The following LRRC1 variants were observed in gnomAD, a reference collection of about 807,000 sequenced individuals.
LRRC1 encodes the protein leucine rich repeat containing 1.
A neutral mutation model predicts 69.9 loss-of-function variants in LRRC1; 28 were observed. The observed-to-expected ratio is 0.40, with a 90% confidence interval of 0.30 to 0.55. The LOEUF is 0.55. Ranked by LOEUF, LRRC1 falls within the 20% of genes least tolerant of loss-of-function variation. The pLI, the probability that LRRC1 is intolerant of heterozygous loss-of-function variation, is 0.47. For missense variants in LRRC1, 498 were observed against 609.0 expected (o/e 0.82, Z 1.92); for synonymous variants, 236 against 240.2 (o/e 0.98, Z 0.16).
chr6:53,919,471 T>TC, intron 11 of LRRC1, 27 bp from the exon 12 acceptor site: 2 of 1,358,456 alleles, frequency 1.5e-6, no homozygotes, highest in Non-Finnish European at 9.4e-7. Flanking sequence ...GTGATGTCTC[T>TC]TTTTTTAAAA....
intron 4 of LRRC1, among the ~76,000 whole-genome samples, chr6:53,894,563 A>G (rs1767805739): frequency 6.6e-6 from 1 of 152,228 alleles, no homozygotes; most frequent in African/African-American, 2.4e-5. Flanking sequence ...ATTACCGAAG[A>G]GATAAAATGA....
chr6:53,873,980 T>TG (rs1766984485), intron 2 of LRRC1, among the ~76,000 whole-genome samples: 1 of 152,194 alleles, frequency 6.6e-6, no homozygotes, highest in Non-Finnish European at 1.5e-5. Context: ...GAAGAGAGAC[T>TG]ACCATGGAGT....
chr6:53,897,604 AT>A (rs1483327927), intron 7 of LRRC1, among the ~76,000 whole-genome samples: 3 of 152,148 alleles, frequency 2.0e-5, no homozygotes, highest in Non-Finnish European at 4.4e-5. Flanking sequence ...TAAAATCTGT[AT>A]TTTATTGTGT....
chr6:53,800,807 TTTTTGTATTTTTAGTAGAGACGGGG>T (rs1454712705), intron 1 of LRRC1, among the ~76,000 whole-genome samples: 2 of 151,884 alleles, frequency 1.3e-5, no homozygotes, highest in African/African-American at 4.8e-5. Context: ...GCCCGGCTAA[TTTTTGTATTTTTAGTAGAGACGGGG>T]TTTCACTATG....
Position 53,875,754 on chromosome 6 carries a change from T to C in LRRC1, c.278-3239T>C, listed in dbSNP as rs192087604. 8.6e-3 allele frequency among the ~76,000 whole-genome samples: 1,303 copies of C among 152,292 alleles called. 15 individuals are homozygous for C. The highest frequency in any genetic ancestry group is 0.029 in the African/African-American group (1,192 of 41,530). ...ATGGTGGTAGTGGCGGTTTTTGTTA[T>C]TTTATTATTTAAATGATTTGTTAAA... On this transcript the variant is annotated intron_variant, in intron 2 of 13. Transcript: ENST00000370888.
chr6:53,901,093 A>T (rs1768044259), intron 8 of LRRC1, among the ~76,000 whole-genome samples: 1 of 152,148 alleles, frequency 6.6e-6, no homozygotes, highest in Admixed American at 6.5e-5. Context: ...CGTTTATGGC[A>T]TCTGAAAAGG....
intron 4 of LRRC1, among the ~76,000 whole-genome samples, chr6:53,885,363 A>G (rs1238873138): frequency 6.6e-6 from 1 of 152,254 alleles, no homozygotes; most frequent in Admixed American, 6.5e-5. Flanking sequence ...TCTTTAGAGC[A>G]TTTAGCACAT....
intron 2 of LRRC1, among the ~76,000 whole-genome samples, chr6:53,843,157 G>C (rs1294297898): frequency 6.6e-6 from 1 of 152,094 alleles, no homozygotes; most frequent in Non-Finnish European, 1.5e-5. Context: ...AACAAGGTCT[G>C]AATTATTTAT....
intron 1 of LRRC1, among the ~76,000 whole-genome samples, chr6:53,800,358 C>T (rs1038450462): frequency 2.8e-5 from 4 of 141,742 alleles, no homozygotes; most frequent in African/African-American, 1.1e-4. Context: ...TCAAGTGATT[C>T]TCCTGCCTCA....
At chr6:53,813,859 G>A (rs1459068651) in intron 1 of LRRC1, among the ~76,000 whole-genome samples, 2 of 152,118 alleles carry the variant, frequency 1.3e-5, no homozygotes, top group African/African-American at 4.8e-5. Context: ...AAGGAACTAA[G>A]TAAGTAGCTA....
chr6:53,806,086 C>G (rs1764628938), intron 1 of LRRC1, among the ~76,000 whole-genome samples: 2 of 152,218 alleles, frequency 1.3e-5, no homozygotes, highest in African/African-American at 4.8e-5. Context: ...GCTCCTCATC[C>G]AACTGGACAG....
chr6:53,880,345 C>T (rs1173994103), intron 3 of LRRC1, among the ~76,000 whole-genome samples: 1 of 152,150 alleles, frequency 6.6e-6, no homozygotes. Context: ...TATCCTCTTT[C>T]CCCACCATCT....
At position 53,866,022 on chromosome 6, in the gene LRRC1, G is replaced by A. The variant is rs548065262; in HGVS notation, c.278-12971G>A. 4.9e-4 allele frequency among the ~76,000 whole-genome samples: 74 copies of A among 152,112 alleles called. 2 individuals are homozygous for A. Among genetic ancestry groups the A allele is most frequent in the African/African-American group, 1.7e-3 (69 of 41,436 alleles). ...GGCATGAACCACTGCGCCTGGCTAA[G>A]ACTCAGTTCTTTCTATATTGACAGA... On this transcript the variant is annotated intron_variant, in intron 2 of 13. Coordinates refer to ENST00000370888, the MANE Select transcript of LRRC1 (RefSeq NM_018214.5).
At chr6:53,822,073 T>C (rs184558397) in intron 1 of LRRC1, among the ~76,000 whole-genome samples, 1 of 152,160 alleles carries the variant, frequency 6.6e-6, no homozygotes, top group Non-Finnish European at 1.5e-5. Flanking sequence ...AGTTTCTCTT[T>C]GTTGTTACCC....
chr6:53,919,774 A>C (rs924978209), intron 12 of LRRC1, 104 bp downstream of exon 12: 1 of 1,045,312 alleles, frequency 9.6e-7, no homozygotes, highest in Non-Finnish European at 1.4e-6. Flanking sequence ...TGTTATATCC[A>C]GTCTGCACCT....
rs1767353187 is a variant in LRRC1, at chr6:53,883,042, T to C, written c.446+66T>C. 3 of 942,194 alleles carry C rather than the reference T, an allele frequency of 3.2e-6. No individual in the cohort carries two copies. The Admixed American group carries it at 7.6e-5, about 24-fold the overall frequency. The allele number at this position is 942,194 out of a possible 1,614,324, so 58.4% of individuals were successfully genotyped here. On this transcript the variant is annotated intron_variant, in intron 4 of 13. Transcript: ENST00000370888. Reference sequence around the variant, plus strand: ...GGGGTTTATATCATCAGCTCTAGCCTCCTTCCCTTTTAAAGCTCCTATTTG... The same window carrying C: ...GGGGTTTATATCATCAGCTCTAGCCCCCTTCCCTTTTAAAGCTCCTATTTG...
chr6:53,885,100 TTCTTCC>T (rs1767430679), intron 4 of LRRC1, among the ~76,000 whole-genome samples: 1 of 152,258 alleles, frequency 6.6e-6, no homozygotes, highest in South Asian at 2.1e-4. Context: ...CTGTGATTTC[TTCTTCC>T]TGCATGCTCA....
chr6:53,886,794 G>A (rs1299845826), intron 4 of LRRC1, among the ~76,000 whole-genome samples: 1 of 152,126 alleles, frequency 6.6e-6, no homozygotes, highest in Non-Finnish European at 1.5e-5. Context: ...ATAGATCCCA[G>A]ACTTGCAGGT....
intron 4 of LRRC1, among the ~76,000 whole-genome samples, chr6:53,891,713 T>G (rs1767689219): frequency 1.3e-5 from 2 of 152,180 alleles, no homozygotes. Context: ...CCGGGTGTGA[T>G]GGCTCATGCC....
Sources: gnomAD v4.1 joint callset for allele counts (sites outside exome capture counted in the v4.1 genomes callset) on GRCh38, gnomAD v4.1.1 for gene constraint, MANE v1.5 for transcripts, NCBI Gene and HGNC (gene_info 2026-07-23, HGNC 2026-07-21) for gene names.